MRTFA: variants seen among roughly 807,000 people sequenced by gnomAD.
MRTFA encodes the protein myocardin-related transcription factor A.
A neutral mutation model predicts 83.5 loss-of-function variants in MRTFA; 20 were observed. The observed-to-expected ratio is 0.24, with a 90% CI of 0.17 to 0.35. The LOEUF (loss-of-function observed/expected upper bound fraction) is 0.35, where lower values mean the gene tolerates loss of function less well. Ranked by LOEUF, MRTFA falls within the 10% of genes least tolerant of loss-of-function variation. MRTFA has a pLI of 1.00. For missense variants in MRTFA, 1,200 were observed against 1,224.7 expected (o/e 0.98, Z 0.30); for synonymous variants, 659 against 541.2 (o/e 1.22, Z -3.02).
intron 7 of MRTFA, among the ~76,000 whole-genome samples, chr22:40,426,668 C>T (rs2052960532): frequency 1.3e-5 from 2 of 152,162 alleles, no homozygotes; most frequent in South Asian, 2.1e-4. Flanking sequence ...GACCCAGCCT[C>T]CAAGCTGCCC....
chr22:40,545,150 T>C (rs549073541), intron 3 of MRTFA, among the ~76,000 whole-genome samples: 16 of 152,220 alleles, frequency 1.1e-4, no homozygotes, highest in African/African-American at 3.9e-4. Context: ...CTTAGTTCAT[T>C]AGACAGATGT....
chr22:40,631,652 A>G (rs1332359627), intron 1 of MRTFA, among the ~76,000 whole-genome samples: 1 of 152,216 alleles, frequency 6.6e-6, no homozygotes, highest in Non-Finnish European at 1.5e-5. Context: ...CACCATACAC[A>G]TAGATTTCAA....
At chr22:40,469,118 C>T (rs2053858613) in intron 3 of MRTFA, among the ~76,000 whole-genome samples, 1 of 152,172 alleles carries the variant, frequency 6.6e-6, no homozygotes, top group South Asian at 2.1e-4. Flanking sequence ...CTAAAAATCG[C>T]AATCTACCTC....
chr22:40,615,115 T>C (rs1340348818), intron 1 of MRTFA, among the ~76,000 whole-genome samples: 1 of 152,348 alleles, frequency 6.6e-6, no homozygotes, highest in Admixed American at 6.5e-5. Flanking sequence ...ATAAGTTTTA[T>C]GCTTTTAGTT....
intron 2 of MRTFA, among the ~76,000 whole-genome samples, chr22:40,579,609 C>T (rs1015143341): frequency 6.6e-6 from 1 of 152,026 alleles, no homozygotes; most frequent in African/African-American, 2.4e-5. Context: ...CCTGTAATCC[C>T]AACACTTTAG....
intron 1 of MRTFA, among the ~76,000 whole-genome samples, chr22:40,635,573 C>A (rs1002186486): frequency 1.3e-5 from 2 of 152,162 alleles, no homozygotes; most frequent in Middle Eastern, 3.2e-3. Flanking sequence ...ATTCAACTGC[C>A]CTTTCGTTAT....
At chr22:40,477,175 C>CAAAAAAAAAA (rs55932110) in intron 3 of MRTFA, among the ~76,000 whole-genome samples, 1 of 59,626 alleles carries the variant, frequency 1.7e-5, no homozygotes, top group African/African-American at 6.3e-5. Context: ...ACTAAAAATA[C>CAAAAAAAAAA]AAAAAAAAAA....
intron 3 of MRTFA, among the ~76,000 whole-genome samples, chr22:40,502,288 C>T (rs1382764058): frequency 3.1e-5 from 4 of 131,092 alleles, no homozygotes; most frequent in African/African-American, 1.2e-4. Context: ...GGCGGAGGGG[C>T]TCCTCACTTC....
intron 3 of MRTFA, chr22:40,533,443 A>G (rs1240549864): frequency 7.1e-6 from 3 of 421,226 alleles, no homozygotes; most frequent in Non-Finnish European, 1.2e-5. Context: ...AAATTAATAA[A>G]AAACTGAAAA....
intron 1 of MRTFA, among the ~76,000 whole-genome samples, chr22:40,618,081 T>C (rs1049106367): frequency 9.1e-6 from 1 of 110,210 alleles, no homozygotes; most frequent in East Asian, 3.6e-4. Flanking sequence ...TTGTTTTTTG[T>C]TTTTTTTTTT....
At chr22:40,606,208 G>C (rs1602487913) in intron 1 of MRTFA, among the ~76,000 whole-genome samples, 2 of 152,006 alleles carry the variant, frequency 1.3e-5, no homozygotes, top group African/African-American at 4.8e-5. Flanking sequence ...GTCTGAACAA[G>C]AATAAATTTC....
At chr22:40,543,230 C>G (rs759488705) in intron 3 of MRTFA, among the ~76,000 whole-genome samples, 1 of 152,136 alleles carries the variant, frequency 6.6e-6, no homozygotes, top group Non-Finnish European at 1.5e-5. Context: ...CCAAGAAATA[C>G]TGTAATTTGG....
intron 1 of MRTFA, among the ~76,000 whole-genome samples, chr22:40,619,719 C>T (rs2056496822): frequency 6.6e-6 from 1 of 151,614 alleles, no homozygotes; most frequent in Admixed American, 6.6e-5. Flanking sequence ...GAAACCCCGT[C>T]TCTACTAAAA....
At chr22:40,514,958 G>C (rs2054732520) in intron 3 of MRTFA, among the ~76,000 whole-genome samples, 2 of 150,594 alleles carry the variant, frequency 1.3e-5, no homozygotes, top group African/African-American at 4.9e-5. Flanking sequence ...GCCCAGGCTG[G>C]AGTGCAGTGG....
chr22:40,498,280 T>TATATATATATATATAAATATATATATA (rs1602339571), intron 3 of MRTFA, among the ~76,000 whole-genome samples: 1 of 100,382 alleles, frequency 1.0e-5, no homozygotes, highest in South Asian at 3.9e-4. Context: ...TATATTTTTT[T>TATATATATATATATAAATATATATATA]TTTTTTTTTT....
At chr22:40,436,897 C>T (rs2053180641) in intron 4 of MRTFA, among the ~76,000 whole-genome samples, 1 of 152,140 alleles carries the variant, frequency 6.6e-6, no homozygotes, top group African/African-American at 2.4e-5. Flanking sequence ...AGATAGGACC[C>T]TATCCTGCCT....
intron 2 of MRTFA, among the ~76,000 whole-genome samples, chr22:40,559,965 A>T (rs184472423): frequency 3.1e-3 from 476 of 152,320 alleles, no homozygotes; most frequent in Non-Finnish European, 4.9e-3. Flanking sequence ...ATTTACACAT[A>T]TATCTATACA....
At chr22:40,489,861 C>A (rs2147199640) in intron 3 of MRTFA, among the ~76,000 whole-genome samples, 1 of 151,472 alleles carries the variant, frequency 6.6e-6, no homozygotes, top group Admixed American at 6.6e-5. Flanking sequence ...CACCTGTAAT[C>A]CCTGCTACTC....
intron 3 of MRTFA, among the ~76,000 whole-genome samples, chr22:40,507,370 A>G (rs1395632495): frequency 6.6e-6 from 1 of 151,728 alleles, no homozygotes; most frequent in Non-Finnish European, 1.5e-5. Context: ...CAAAAAGAAA[A>G]AAAAAAGAAA....
Sources: allele counts gnomAD v4.1 joint callset (sites outside exome capture counted in the v4.1 genomes callset), GRCh38; gene constraint gnomAD v4.1.1; transcripts MANE v1.5; gene names NCBI Gene and HGNC (gene_info 2026-07-23, HGNC 2026-07-21).